STT3B: variants seen among roughly 807,000 people sequenced by gnomAD.
The protein encoded by STT3B is dolichyl-diphosphooligosaccharide--protein glycosyltransferase subunit STT3B.
In STT3B, 29 loss-of-function variants were observed where a neutral mutation model predicts 96.8. The observed-to-expected ratio is 0.30, with a 90% CI of 0.22 to 0.41. The LOEUF is 0.41. Among genes scored for constraint, STT3B ranks in the 10% least tolerant of loss-of-function variants. STT3B has a pLI of 1.00. For missense variants in STT3B, 640 were observed against 1,022.3 expected, an observed-to-expected ratio of 0.63 and a Z score of 5.10; for synonymous variants, 367 against 360.0, an observed-to-expected ratio of 1.02 and a Z score of -0.22.
chr3:31,600,053 A>G (rs1345945667), intron 4 of STT3B, among the ~76,000 whole-genome samples: 1 of 152,102 alleles, frequency 6.6e-6, no homozygotes, highest in Non-Finnish European at 1.5e-5. Context: ...CCTTGTCTCT[A>G]TGACAGTCTG....
intron 5 of STT3B, among the ~76,000 whole-genome samples, chr3:31,611,699 G>A (rs1699184307): frequency 6.6e-6 from 1 of 152,056 alleles, no homozygotes; most frequent in Non-Finnish European, 1.5e-5. Flanking sequence ...GTTTCTCCAT[G>A]TTGGTCAGGC....
At chr3:31,551,285 G>C (rs990158863) in intron 1 of STT3B, among the ~76,000 whole-genome samples, 2 of 151,872 alleles carry the variant, frequency 1.3e-5, no homozygotes, top group Admixed American at 6.6e-5. Flanking sequence ...GTGTCATCTC[G>C]GCTCACTACA....
At chr3:31,578,600 GGTACCTA>G (rs1698309303) in intron 2 of STT3B, among the ~76,000 whole-genome samples, 2 of 151,440 alleles carry the variant, frequency 1.3e-5, no homozygotes, top group Admixed American at 1.3e-4. Flanking sequence ...ATTACACACT[GGTACCTA>G]GTATTGAATC....
intron 8 of STT3B, among the ~76,000 whole-genome samples, chr3:31,619,025 A>T (rs1055311751): frequency 3.3e-5 from 5 of 152,014 alleles, no homozygotes; most frequent in Non-Finnish European, 7.4e-5. Context: ...TAATTTTTTC[A>T]GTCCTTTCCA....
intron 1 of STT3B, 82 bp downstream of exon 1, chr3:31,533,394 A>T: frequency 7.5e-7 from 1 of 1,332,478 alleles, no homozygotes; most frequent in Admixed American, 3.5e-5. Context: ...GCTCTCCTCG[A>T]CTTGGCCCCG....
chr3:31,538,367 C>A (rs1380100802), intron 1 of STT3B, among the ~76,000 whole-genome samples: 1 of 152,160 alleles, frequency 6.6e-6, no homozygotes, highest in African/African-American at 2.4e-5. Context: ...CAGATTCCAT[C>A]ATTCCAGGTT....
rs576461134 is a variant in STT3B at position 31,636,741 on chromosome 3, C to G, written c.*677C>G. ...TACTGCTGTTAGCAGTCGTTTTCAC[C>G]AGGTACTTACAGAGCAGATTTCATA... On this transcript the variant is annotated 3_prime_UTR_variant, in exon 16 of 16. Coordinates refer to ENST00000295770, the MANE Select transcript of STT3B (RefSeq NM_178862.3). 2.6e-5 allele frequency: 4 copies of G among 152,176 alleles called. No homozygotes were observed. Among genetic ancestry groups the G allele is most frequent in the Non-Finnish European group, 5.9e-5 (4 of 67,994 alleles). 9.4% of individuals were successfully genotyped at this position (152,176 alleles called of 1,614,324 possible). A position where few individuals can be genotyped will look rare whatever the true frequency, so the allele number is the denominator to read the frequency against.
chr3:31,578,569 C>CT, intron 2 of STT3B, among the ~76,000 whole-genome samples: 1 of 149,984 alleles, frequency 6.7e-6, no homozygotes, highest in South Asian at 2.1e-4. Flanking sequence ...TTTTTTTTTC[C>CT]CCCCCAGTAT....
At chr3:31,613,659 G>C (rs1350087151) in intron 5 of STT3B, among the ~76,000 whole-genome samples, 2 of 44,626 alleles carry the variant, frequency 4.5e-5, no homozygotes, top group Non-Finnish European at 1.0e-4. Flanking sequence ...ACTTTAGTAT[G>C]CATGGTTCTT....
chr3:31,568,129 T>G (rs959570329), intron 1 of STT3B, among the ~76,000 whole-genome samples: 3 of 152,170 alleles, frequency 2.0e-5, no homozygotes, highest in African/African-American at 4.8e-5. Context: ...CATGCCTGGC[T>G]TATTTTACTT....
At chr3:31,581,909 CTT>C (rs1020394786) in intron 3 of STT3B, among the ~76,000 whole-genome samples, 22 of 152,294 alleles carry the variant, frequency 1.4e-4, no homozygotes, top group African/African-American at 4.6e-4. Context: ...TTCATCATGA[CTT>C]AGTCTTGGTA....
At chr3:31,615,042 T>G in intron 5 of STT3B, 63 bp from the exon 6 acceptor site, 1 of 967,274 alleles carries the variant, frequency 1.0e-6, no homozygotes, top group Non-Finnish European at 1.6e-6. Flanking sequence ...TACATATACA[T>G]TTATGTTTTA....
rs139274972 is a variant in STT3B at position 31,603,568 on chromosome 3, T to TTG, written c.877+3111_877+3112dup. Among the ~76,000 whole-genome samples the TTG allele has an allele frequency of 5.6e-3, 853 of 152,178 alleles. 9 individuals are homozygous for TTG. The highest frequency in any genetic ancestry group is 0.019 in the African/African-American group (776 of 41,518). ...GGAACACCCAAACCTTATGTTGCAT[T>TTG]TGTAGAAAGAATGGCTTGCAGGAAA... On this transcript the variant is annotated intron_variant, in intron 5 of 15. Coordinates refer to ENST00000295770, the MANE Select transcript of STT3B (RefSeq NM_178862.3).
chr3:31,591,683 G>A (rs1022699367), intron 3 of STT3B, among the ~76,000 whole-genome samples: 1 of 151,890 alleles, frequency 6.6e-6, no homozygotes, highest in Non-Finnish European at 1.5e-5. Context: ...ATTGTCGTAT[G>A]TATTATATCT....
At chr3:31,550,590 A>C (rs1697527029) in intron 1 of STT3B, among the ~76,000 whole-genome samples, 1 of 152,226 alleles carries the variant, frequency 6.6e-6, no homozygotes. Flanking sequence ...AGTAATCCTT[A>C]TGAATTTCTA....
At chr3:31,616,826 A>G in intron 6 of STT3B, 103 bp from the exon 7 acceptor site, 1 of 915,444 alleles carries the variant, frequency 1.1e-6, no homozygotes, top group African/African-American at 1.7e-5. Flanking sequence ...GTAGTCTTTG[A>G]TATGAATGGT....
rs748224551 is a variant in STT3B at position 31,625,010 on chromosome 3, C to T, written c.1824C>T (p.Gly608=). ...GAGTAATGTCTTGGTGGGATTATGG[C>T]TATCAGATAGCTGGAATGGCTAATA... is the stretch of plus-strand genomic sequence containing the variant. ...HARVMSWWDY[G]YQIAGMANRT... The change falls in exon 12 of 16, where the codon GGC becomes GGT. Residue 608 remains glycine (G), a synonymous_variant. Transcript: ENST00000295770. The T allele has an allele frequency of 3.7e-6, 6 of 1,613,510 alleles. No individual in the cohort carries two copies. In the African/African-American group the frequency reaches 8.0e-5, roughly 22 times the overall value.
At chr3:31,580,278 A>T (rs1698353449) in intron 3 of STT3B, among the ~76,000 whole-genome samples, 182 bp downstream of exon 3, 1 of 152,184 alleles carries the variant, frequency 6.6e-6, no homozygotes, top group Non-Finnish European at 1.5e-5. Context: ...CTCTCAAGTT[A>T]TGTGTAAATA....
intron 1 of STT3B, among the ~76,000 whole-genome samples, chr3:31,564,507 TA>T (rs1697954800): frequency 6.6e-6 from 1 of 152,166 alleles, no homozygotes; most frequent in African/African-American, 2.4e-5. Context: ...GGAATGACAA[TA>T]ATATACATCT....
Sources: allele counts gnomAD v4.1 joint callset (sites outside exome capture counted in the v4.1 genomes callset), GRCh38; gene constraint gnomAD v4.1.1; transcripts MANE v1.5; gene names NCBI Gene and HGNC (gene_info 2026-07-23, HGNC 2026-07-21).